The following VEGFB variants were observed in gnomAD, a reference collection of about 807,000 sequenced individuals.
VEGFB encodes vascular endothelial growth factor B.
In VEGFB, 24 loss-of-function variants were observed where a neutral mutation model predicts 22.5. That is an observed-to-expected ratio of 1.07 (90% confidence interval 0.77 to 1.50). VEGFB has a LOEUF of 1.50. VEGFB is among the 40% of genes most tolerant of loss of function. The pLI is 0.00. For synonymous variants in VEGFB, 141 were observed against 117.4 expected (o/e 1.20, Z -1.30); for missense variants, 327 against 287.8 (o/e 1.14, Z -0.99).
chr11:64,238,311 G>C (rs1165702724), intron 6 of VEGFB, 45 bp from the exon 7 acceptor site: 3 of 1,536,044 alleles, frequency 2.0e-6, no homozygotes, highest in East Asian at 4.9e-5. Flanking sequence ...CAGGGCTGGG[G>C]CTGCGCTCCA....
rs549328779 is a variant in VEGFB, at chr11:64,237,083, C to G, written c.375-104C>G. 7.6e-4 allele frequency: 495 copies of G among 649,938 alleles called. 58 individuals are homozygous for G. In the East Asian group the frequency reaches 8.0e-3, roughly 10 times the overall value. The allele number at this position is 649,938 out of a possible 1,614,324, so 40.3% of individuals were successfully genotyped here. ...GGGCAAGAAGAGGGAAACACAGTCT[C>G]AAAGAGAGAGAGAGAGAGAGAGAGA... On this transcript the variant is annotated intron_variant, in intron 4 of 6. Transcript: ENST00000309422.
intron 6 of VEGFB, 25 bp downstream of exon 6, chr11:64,237,680 T>G (rs2030212970): frequency 2.7e-6 from 4 of 1,502,864 alleles, no homozygotes; most frequent in Non-Finnish European, 3.6e-6. Flanking sequence ...GGGTGGTGTT[T>G]GTTTGGGAAG....
At chr11:64,235,696 G>A in intron 2 of VEGFB, 117 bp from the exon 3 acceptor site, 1 of 1,339,218 alleles carries the variant, frequency 7.5e-7, no homozygotes, top group South Asian at 1.2e-5. Context: ...AGGTTGTGAG[G>A]GCAGAGTGGG....
intron 4 of VEGFB, among the ~76,000 whole-genome samples, 179 bp downstream of exon 4, chr11:64,236,506 G>T (rs968656567): frequency 6.8e-6 from 1 of 147,906 alleles, no homozygotes; most frequent in South Asian, 2.1e-4. Context: ...ATGAGGTCAG[G>T]AGATCGAGAC....
intron 4 of VEGFB, 56 bp from the exon 5 acceptor site, chr11:64,237,131 C>A: frequency 8.6e-7 from 1 of 1,166,520 alleles, no homozygotes; most frequent in South Asian, 1.4e-5. Context: ...GAGTAGGATG[C>A]TGGGATTTCC....
rs1555056088 is a variant in VEGFB, at chr11:64,237,083, C to CGAGAGAGAGAGAGAGAGAGAGAGAGAGAG, written c.375-104_375-103insGAGAGAGAGAGAGAGAGAGAGAGAGAGAG. 12 of 650,516 alleles carry CGAGAGAGAGAGAGAGAGAGAGAGAGAGAG rather than the reference C, an allele frequency of 1.8e-5. 4 individuals carry two copies. Among genetic ancestry groups the CGAGAGAGAGAGAGAGAGAGAGAGAGAGAG allele is most frequent in the Admixed American group, 1.2e-4 (4 of 34,752 alleles). 40.3% of individuals were successfully genotyped at this position (650,516 alleles called of 1,614,324 possible). A position where few individuals can be genotyped will look rare whatever the true frequency, so the allele number is the denominator to read the frequency against. On this transcript the variant is annotated intron_variant, in intron 4 of 6. Coordinates refer to ENST00000309422, the MANE Select transcript of VEGFB (RefSeq NM_003377.5). ...GGGCAAGAAGAGGGAAACACAGTCTCAAAGAGAGAGAGAGAGAGAGAGAGA... is the reference window on the plus strand; with the variant it reads ...GGGCAAGAAGAGGGAAACACAGTCTCGAGAGAGAGAGAGAGAGAGAGAGAGAGAGAAAGAGAGAGAGAGAGAGAGAGAGA...
Position 64,234,980 on chromosome 11 carries a change from C to A in VEGFB, c.60+87C>A. ...GTGAGGAGGCGACCCGCGGCCTCGG[C>A]CGAGGGGATCTGCGGGGTCCGGCCT... On this transcript the variant is annotated intron_variant, in intron 1 of 6. Coordinates refer to ENST00000309422, the MANE Select transcript of VEGFB (RefSeq NM_003377.5). This position sits in a 1 kb window ranked among gnomAD's most constrained non-coding sequence, Gnocchi z 5.3. 1 of 1,112,514 alleles carries A rather than the reference C, an allele frequency of 9.0e-7. No individual in the cohort carries two copies. The highest frequency in any genetic ancestry group is 1.1e-6 in the Non-Finnish European group (1 of 876,778). The allele number at this position is 1,112,514 out of a possible 1,614,324, so 68.9% of individuals were successfully genotyped here. A position where few individuals can be genotyped will look rare whatever the true frequency, so the allele number is the denominator to read the frequency against.
At chr11:64,237,118 A>AGAGAGAGAGAGAGAGAGAGAG in intron 4 of VEGFB, 69 bp from the exon 5 acceptor site, 1 of 718,416 alleles carries the variant, frequency 1.4e-6, no homozygotes, top group South Asian at 1.8e-5. Context: ...AGAGAGAGAG[A>AGAGAGAGAGAGAGAGAGAGAG]GAGAGTAGGA....
At position 64,237,591 on chromosome 11, in the gene VEGFB, TGCCGACGCC is replaced by T. The variant is rs774035611; in HGVS notation, c.585_593del (p.Asp196_Ala198del). 2.5e-6 allele frequency: 4 copies of T among 1,593,784 alleles called. No homozygotes were observed. Among genetic ancestry groups the T allele is most frequent in the Non-Finnish European group, 3.4e-6 (4 of 1,174,478 alleles). On this transcript the variant is annotated inframe_deletion, in exon 6 of 7. Transcript: ENST00000309422. Reference sequence around the variant, plus strand: ...TGACCCCCGGACCTGCCGCTGCCGCTGCCGACGCCGCAGCTTCCTCCGTTGCCAAGGGCG... The same window carrying T: ...TGACCCCCGGACCTGCCGCTGCCGCTGCAGCTTCCTCCGTTGCCAAGGGCG...
Position 64,236,318 on chromosome 11 carries a change from G to T in VEGFB, c.365G>T (p.Cys122Phe). The change falls in exon 4 of 7, where the codon TGT becomes TTT. Residue 122 changes from cysteine (C) to phenylalanine (F), a missense_variant. Transcript: ENST00000309422. ...GEMSLEEHSQ[C>F]ECRPKKKDSA... is the part of the protein sequence containing the mutation. The stretch of plus-strand genomic sequence containing the variant: ...ATGTCCCTGGAAGAACACAGCCAGT[G>T]TGAATGCAGGTGCCAGCCAGGCCCA... 1 of 1,613,714 alleles carries T rather than the reference G, an allele frequency of 6.2e-7. No homozygotes were observed.
chr11:64,234,696 GC>G lies in VEGFB; in HGVS notation c.-137del. On this transcript the variant is annotated 5_prime_UTR_variant, in exon 1 of 7. Transcript: ENST00000309422. The surrounding 1 kb of genome is among the most constrained non-coding windows in gnomAD (Gnocchi z 5.3). ...TGCACCCAGGGCTCGGGAGGGGGCC[GC>G]GGAGGAGTCGCCCCCCGCGCCCGGC... The G allele has an allele frequency of 6.1e-6, 1 of 164,644 alleles. No individual in the cohort carries two copies. Among genetic ancestry groups the G allele is most frequent in the Non-Finnish European group, 1.2e-5 (1 of 83,642 alleles). 10.2% of individuals were successfully genotyped at this position (164,644 alleles called of 1,614,324 possible).
Position 64,236,257 on chromosome 11 carries a change from C to G in VEGFB, c.304C>G (p.Leu102Val), listed in dbSNP as rs758558011. The change falls in exon 4 of 7, where the codon CTC (leucine) becomes GTC (valine). Residue 102 changes from leucine to valine, a missense_variant. Transcript: ENST00000309422. ...TGQHQVRMQI[L>V]MIRYPSSQLG... is the part of the protein sequence containing the mutation. The stretch of plus-strand genomic sequence containing the variant: ...CCTGTTCTTCTCCTGAGCACAGATC[C>G]TCATGATCCGGTACCCGAGCAGTCA... 3 of 1,613,856 alleles carry G rather than the reference C, an allele frequency of 1.9e-6. No homozygotes were observed. The highest frequency in any genetic ancestry group is 1.7e-5 in the Admixed American group (1 of 60,012).
At position 64,237,589 on chromosome 11, in the gene VEGFB, G is replaced by C; in HGVS notation, c.580G>C (p.Ala194Pro). 4 of 1,594,112 alleles carry C rather than the reference G, an allele frequency of 2.5e-6. No homozygotes were observed. The highest frequency in any genetic ancestry group is 3.4e-6 in the Non-Finnish European group (4 of 1,174,526). ...CCTGACCCCCGGACCTGCCGCTGCC[G>C]CTGCCGACGCCGCAGCTTCCTCCGT... ...SALTPGPAAA[A>P]ADAAASSVAK... The change falls in exon 6 of 7, where the codon GCT becomes CCT. Residue 194 changes from alanine to proline, a missense_variant. Physicochemically the swap from Ala to Pro is conservative, Grantham distance 27. Transcript: ENST00000309422.
Position 64,236,269 on chromosome 11 carries a change from T to G in VEGFB, c.316T>G (p.Tyr106Asp), listed in dbSNP as rs1327390215. The change falls in exon 4 of 7, where the codon TAC (tyrosine) becomes GAC (aspartate). Residue 106 changes from tyrosine (Y) to aspartate (D), a missense_variant. By Grantham distance (160) the Tyr-to-Asp change is radical. Coordinates refer to ENST00000309422, the MANE Select transcript of VEGFB (RefSeq NM_003377.5). The part of the protein sequence containing the change: ...QVRMQILMIR[Y>D]PSSQLGEMSL... ...CTGAGCACAGATCCTCATGATCCGGTACCCGAGCAGTCAGCTGGGGGAGAT... is the reference window on the plus strand; with the variant it reads ...CTGAGCACAGATCCTCATGATCCGGGACCCGAGCAGTCAGCTGGGGGAGAT... 6.2e-7 allele frequency: 1 copy of G among 1,613,952 alleles called. No homozygotes were observed. Among genetic ancestry groups the G allele is most frequent in the Non-Finnish European group, 8.5e-7 (1 of 1,179,972 alleles).
At chr11:64,237,155 G>GT in intron 4 of VEGFB, 32 bp from the exon 5 acceptor site, 1 of 1,552,092 alleles carries the variant, frequency 6.4e-7, no homozygotes. Flanking sequence ...TCTTCCTCTT[G>GT]TTTGTCTGTG....
chr11:64,235,606 T>G, intron 2 of VEGFB, 106 bp downstream of exon 2: 1 of 1,345,570 alleles, frequency 7.4e-7, no homozygotes. Flanking sequence ...AGATTCAAAC[T>G]ATTATTCTAC....
intron 6 of VEGFB, chr11:64,237,869 C>T (rs994815164): frequency 5.6e-6 from 3 of 537,636 alleles, no homozygotes; most frequent in African/African-American, 1.9e-5. Context: ...GGGACAATGC[C>T]AGCAGAGGAT....
intron 4 of VEGFB, among the ~76,000 whole-genome samples, chr11:64,236,582 T>C (rs1565317378): frequency 6.6e-6 from 1 of 151,684 alleles, no homozygotes; most frequent in South Asian, 2.1e-4. Context: ...CCGGGCGTGG[T>C]GGCGGGCACC....
In VEGFB at chr11:64,237,200, G is replaced by A. The variant is rs780923977; in HGVS notation, c.388G>A (p.Asp130Asn). ...CTTACTTTTCAGACCTAAAAAAAAG[G>A]ACAGTGCTGTGAAGCCAGACAGGTG... ...SQCECRPKKK[D>N]SAVKPDRAAT... is the part of the protein sequence containing the mutation. Residue 130 changes from aspartate (D) to asparagine (N), a missense_variant, in exon 5 of 7, where the codon GAC (aspartate) becomes AAC (asparagine). Asp to Asn is a conservative substitution (Grantham distance 23). Transcript: ENST00000309422. 3.0e-5 allele frequency: 48 copies of A among 1,606,680 alleles called. No homozygotes were observed. Among genetic ancestry groups the A allele is most frequent in the Non-Finnish European group, 4.0e-5 (47 of 1,175,650 alleles).
Sources: allele counts gnomAD v4.1 joint callset (sites outside exome capture counted in the v4.1 genomes callset), GRCh38; gene constraint gnomAD v4.1.1; non-coding constraint Gnocchi (gnomAD v3.1); transcripts MANE v1.5; gene names NCBI Gene and HGNC (gene_info 2026-07-23, HGNC 2026-07-21).